MAP2K4: variants seen among roughly 807,000 people sequenced by gnomAD.
The protein encoded by MAP2K4 is mitogen-activated protein kinase kinase 4, also known as dual specificity mitogen-activated protein kinase kinase 4.
Under a neutral mutation model 48.5 loss-of-function variants are expected in MAP2K4, and 4 were observed. The observed-to-expected ratio is 0.08, with a 90% confidence interval of 0.04 to 0.19. The LOEUF (loss-of-function observed/expected upper bound fraction) is 0.19. Ranked by LOEUF, MAP2K4 falls within the 10% of genes least tolerant of loss-of-function variation. The probability of loss-of-function intolerance (pLI) is 1.00; values close to 1 mark genes in which losing one functional copy is unlikely to be tolerated. For missense variants in MAP2K4, 258 were observed against 493.3 expected (o/e 0.52, Z 4.52); for synonymous variants, 166 against 173.1 (o/e 0.96, Z 0.32).
chr17:12,076,793 T>G (rs1347456095), intron 2 of MAP2K4, among the ~76,000 whole-genome samples: 1 of 152,120 alleles, frequency 6.6e-6, no homozygotes, highest in Non-Finnish European at 1.5e-5. Context: ...AATTATTAGA[T>G]GTGGAATAGT....
chr17:12,078,389 T>C (rs1971079834), intron 2 of MAP2K4, among the ~76,000 whole-genome samples: 1 of 152,082 alleles, frequency 6.6e-6, no homozygotes, highest in African/African-American at 2.4e-5. Flanking sequence ...ATTTTTATTT[T>C]GGGGGGTACA....
At chr17:12,050,523 G>C (rs1970105748) in intron 1 of MAP2K4, among the ~76,000 whole-genome samples, 1 of 152,154 alleles carries the variant, frequency 6.6e-6, no homozygotes. Flanking sequence ...ACCTTTTGCT[G>C]TTCTATAAAA....
intron 1 of MAP2K4, among the ~76,000 whole-genome samples, chr17:12,043,123 A>G (rs1017061639): frequency 2.0e-5 from 3 of 152,220 alleles, no homozygotes; most frequent in African/African-American, 7.2e-5. Context: ...AATCCTTGAT[A>G]ATATTTTCAT....
chr17:12,095,000 A>G (rs947002498), intron 3 of MAP2K4, among the ~76,000 whole-genome samples: 5 of 152,150 alleles, frequency 3.3e-5, no homozygotes, highest in African/African-American at 4.8e-5. Context: ...CAGAGTCCCA[A>G]TCTAGGATTT....
chr17:12,116,468 TTTTAC>T (rs1262449290), intron 7 of MAP2K4, among the ~76,000 whole-genome samples: 5 of 152,294 alleles, frequency 3.3e-5, no homozygotes, highest in African/African-American at 1.2e-4. Context: ...ACTGTAACTT[TTTTAC>T]TTTATACACT....
At chr17:12,129,809 A>G (rs1299723832) in intron 9 of MAP2K4, among the ~76,000 whole-genome samples, 2 of 152,240 alleles carry the variant, frequency 1.3e-5, no homozygotes, top group African/African-American at 4.8e-5. Flanking sequence ...CCTTACTCCA[A>G]GGAAGATGTG....
intron 2 of MAP2K4, among the ~76,000 whole-genome samples, chr17:12,059,160 T>C (rs1330955148): frequency 6.6e-6 from 1 of 152,238 alleles, no homozygotes; most frequent in Non-Finnish European, 1.5e-5. Context: ...TTGTACCCAC[T>C]AACATTTTTT....
chr17:12,087,687 G>A (rs1007449084), intron 3 of MAP2K4, among the ~76,000 whole-genome samples: 2 of 152,090 alleles, frequency 1.3e-5, no homozygotes, highest in Non-Finnish European at 2.9e-5. Flanking sequence ...TAAAAGACTT[G>A]AATGATTTTT....
At chr17:12,137,040 C>A (rs1462394255) in intron 9 of MAP2K4, among the ~76,000 whole-genome samples, 1 of 152,144 alleles carries the variant, frequency 6.6e-6, no homozygotes, top group Non-Finnish European at 1.5e-5. Context: ...TGTCCTAATA[C>A]CAACATAGGA....
intron 3 of MAP2K4, among the ~76,000 whole-genome samples, chr17:12,085,505 A>G (rs1281683674): frequency 1.3e-5 from 2 of 151,968 alleles, no homozygotes; most frequent in Non-Finnish European, 2.9e-5. Context: ...CTGGTATGCA[A>G]GAGTTTCAAG....
chr17:12,021,171 C>G (rs1157280518), intron 1 of MAP2K4, among the ~76,000 whole-genome samples, 170 bp downstream of exon 1: 2 of 151,620 alleles, frequency 1.3e-5, no homozygotes, highest in African/African-American at 2.4e-5. Context: ...GCCTCCGGCC[C>G]GGCTTGGATC....
chr17:12,122,341 CAA>C (rs1198844769), intron 7 of MAP2K4, among the ~76,000 whole-genome samples: 1 of 152,184 alleles, frequency 6.6e-6, no homozygotes, highest in African/African-American at 2.4e-5. Context: ...TTGAAGCCCT[CAA>C]AATCATATTT....
chr17:12,047,943 G>C (rs1348713268), intron 1 of MAP2K4, among the ~76,000 whole-genome samples: 1 of 152,140 alleles, frequency 6.6e-6, no homozygotes, highest in Non-Finnish European at 1.5e-5. Flanking sequence ...TGTTCCAGTG[G>C]TATTTATTAG....
At chr17:12,133,357 C>T (rs1259596818) in intron 9 of MAP2K4, among the ~76,000 whole-genome samples, 1 of 152,194 alleles carries the variant, frequency 6.6e-6, no homozygotes, top group Non-Finnish European at 1.5e-5. Context: ...GCTGGGATTA[C>T]AGGCGTGAGC....
intron 2 of MAP2K4, among the ~76,000 whole-genome samples, chr17:12,061,019 T>A (rs560252438): frequency 2.0e-5 from 3 of 152,288 alleles, no homozygotes; most frequent in East Asian, 3.9e-4. Flanking sequence ...ACTTTCTGTC[T>A]CTATGAATCT....
chr17:12,112,411 G>A (rs1390012957), intron 6 of MAP2K4, among the ~76,000 whole-genome samples: 1 of 151,390 alleles, frequency 6.6e-6, no homozygotes, highest in African/African-American at 2.4e-5. Context: ...TGCAGTGAGT[G>A]GGGATTGCAC....
intron 4 of MAP2K4, among the ~76,000 whole-genome samples, chr17:12,105,188 G>C (rs1972068334): frequency 6.6e-6 from 1 of 151,998 alleles, no homozygotes; most frequent in African/African-American, 2.4e-5. Flanking sequence ...AAGCTTTAGG[G>C]TCAGCTTGTT....
intron 3 of MAP2K4, among the ~76,000 whole-genome samples, chr17:12,088,314 G>T (rs1971431560): frequency 6.6e-6 from 1 of 150,690 alleles, no homozygotes; most frequent in Non-Finnish European, 1.5e-5. Context: ...ATTACTTAAT[G>T]AACAATGAAG....
intron 4 of MAP2K4, among the ~76,000 whole-genome samples, chr17:12,107,498 C>A (rs920792383): frequency 8.4e-5 from 7 of 83,260 alleles, no homozygotes; most frequent in African/African-American, 3.3e-4. Context: ...ATTTTTTTTT[C>A]TATTTTGGCA....
Sources: gnomAD v4.1 joint callset for allele counts (sites outside exome capture counted in the v4.1 genomes callset) on GRCh38, gnomAD v4.1.1 for gene constraint, MANE v1.5 for transcripts, NCBI Gene and HGNC (gene_info 2026-07-23, HGNC 2026-07-21) for gene names.